FRMD4A: variants seen among roughly 807,000 people sequenced by gnomAD.
The protein encoded by FRMD4A is FERM domain-containing protein 4A.
In FRMD4A, 29 loss-of-function variants were observed where a neutral mutation model predicts 129.1. The observed-to-expected ratio is 0.22, with a 90% confidence interval of 0.17 to 0.31. The LOEUF (loss-of-function observed/expected upper bound fraction) is 0.31. Ranked by LOEUF, FRMD4A falls within the 10% of genes least tolerant of loss-of-function variation. The probability of loss-of-function intolerance (pLI) is 1.00; values close to 1 mark genes in which losing one functional copy is unlikely to be tolerated. For missense variants in FRMD4A, 1,272 were observed against 1,375.8 expected, an observed-to-expected ratio of 0.92 and a Z score of 1.19; for synonymous variants, 634 against 571.6, an observed-to-expected ratio of 1.11 and a Z score of -1.56.
chr10:13,971,988 C>T, intron 2 of FRMD4A: 2 of 1,183,576 alleles, frequency 1.7e-6, no homozygotes, highest in East Asian at 5.9e-5. Flanking sequence ...CACTAATCCT[C>T]AGAGACTGCT....
At chr10:13,923,031 A>G (rs966423143) in intron 2 of FRMD4A, among the ~76,000 whole-genome samples, 1 of 152,214 alleles carries the variant, frequency 6.6e-6, no homozygotes, top group South Asian at 2.1e-4. Flanking sequence ...GTCCATAATG[A>G]TAACCTAGGG....
At chr10:13,684,862 G>C (rs2084931834) in intron 15 of FRMD4A, 1 of 968,992 alleles carries the variant, frequency 1.0e-6, no homozygotes, top group Non-Finnish European at 1.2e-6. Flanking sequence ...CGTCTCTTTA[G>C]ACCTTAGAGA....
chr10:13,787,061 A>G (rs1394161571), intron 5 of FRMD4A, among the ~76,000 whole-genome samples: 8 of 152,138 alleles, frequency 5.3e-5, no homozygotes, highest in Admixed American at 5.2e-4. Flanking sequence ...GACTGCCTTC[A>G]TTTCCACCAA....
intron 2 of FRMD4A, among the ~76,000 whole-genome samples, chr10:14,042,383 C>T (rs12767057): frequency 0.087 from 13,242 of 152,178 alleles, 919 homozygotes; most frequent in East Asian, 0.36. Context: ...TGTGAGGTCC[C>T]GCTCCAGCCA....
intron 2 of FRMD4A, among the ~76,000 whole-genome samples, chr10:14,190,201 G>A (rs923450530): frequency 4.6e-5 from 7 of 152,180 alleles, no homozygotes; most frequent in South Asian, 2.1e-4. Flanking sequence ...CCTAGCAGAC[G>A]AGTTTGTTGC....
chr10:13,711,392 G>A (rs1167402863), intron 12 of FRMD4A, among the ~76,000 whole-genome samples: 2 of 152,260 alleles, frequency 1.3e-5, no homozygotes, highest in East Asian at 3.9e-4. Context: ...TGACTGAGCT[G>A]GTTTCGGGGC....
chr10:14,077,892 T>C (rs987307197), intron 2 of FRMD4A, among the ~76,000 whole-genome samples: 1 of 152,218 alleles, frequency 6.6e-6, no homozygotes, highest in Non-Finnish European at 1.5e-5. Context: ...CTAGGAGATA[T>C]GTGTGTTACA....
At chr10:13,966,182 G>T (rs111724380) in intron 2 of FRMD4A, among the ~76,000 whole-genome samples, 61 of 152,110 alleles carry the variant, frequency 4.0e-4, no homozygotes, top group African/African-American at 1.4e-3. Context: ...ATCGTACCTG[G>T]CTAATTTTTT....
intron 2 of FRMD4A, among the ~76,000 whole-genome samples, chr10:13,875,554 C>T (rs1310914338): frequency 1.3e-5 from 2 of 152,170 alleles, no homozygotes; most frequent in African/African-American, 2.4e-5. Flanking sequence ...GCTAGAAGCC[C>T]AGCATCGGAA....
chr10:14,217,975 C>T (rs1468658765), intron 2 of FRMD4A, among the ~76,000 whole-genome samples: 5 of 152,070 alleles, frequency 3.3e-5, no homozygotes, highest in Non-Finnish European at 7.4e-5. Context: ...GGATTACAGG[C>T]GTTCACCACC....
At chr10:13,659,860 T>TCC (rs1554827839) in intron 20 of FRMD4A, among the ~76,000 whole-genome samples, 1,917 of 62,214 alleles carry the variant, frequency 0.031, 35 homozygotes, top group African/African-American at 0.073. Context: ...GAAAATGCCT[T>TCC]CCCCCCCAAA....
intron 2 of FRMD4A, among the ~76,000 whole-genome samples, chr10:14,021,384 T>A (rs1165686355): frequency 1.4e-4 from 20 of 143,912 alleles, no homozygotes; most frequent in African/African-American, 4.9e-4. Context: ...TCCACAAAAA[T>A]AAAAAAAAAA....
Position 14,072,303 on chromosome 10 carries a change from TA to T in FRMD4A, c.46-213392del, listed in dbSNP as rs757033270. 9.8e-5 allele frequency among the ~76,000 whole-genome samples: 15 copies of T among 152,314 alleles called. No homozygotes were observed. In the East Asian group the frequency reaches 2.9e-3, roughly 29 times the overall value. On this transcript the variant is annotated intron_variant, in intron 2 of 24. Coordinates refer to ENST00000357447, the MANE Select transcript of FRMD4A (RefSeq NM_018027.5). ...GAGAAGTCAGAAGTTCTTACTTCTC[TA>T]GATAATATCCTCAAAAAGCCAAGTG...
chr10:14,167,274 G>A (rs183150752), intron 2 of FRMD4A, among the ~76,000 whole-genome samples: 12 of 152,210 alleles, frequency 7.9e-5, no homozygotes, highest in African/African-American at 2.9e-4. Context: ...GCTCACACTT[G>A]TAATCCCAGC....
At chr10:14,132,467 G>C (rs1839311487) in intron 2 of FRMD4A, among the ~76,000 whole-genome samples, 1 of 152,176 alleles carries the variant, frequency 6.6e-6, no homozygotes, top group Non-Finnish European at 1.5e-5. Context: ...CAGACAGCAA[G>C]CTGTATTCCC....
chr10:14,195,677 C>T (rs1226574111), intron 2 of FRMD4A, among the ~76,000 whole-genome samples: 1 of 152,158 alleles, frequency 6.6e-6, no homozygotes, highest in Non-Finnish European at 1.5e-5. Flanking sequence ...TACATGATTC[C>T]CAGCAGGAAG....
intron 9 of FRMD4A, among the ~76,000 whole-genome samples, chr10:13,747,249 C>T (rs11258569): frequency 0.014 from 2,059 of 151,460 alleles, 85 homozygotes; most frequent in South Asian, 0.12. Context: ...ATGTAGAAAA[C>T]GGGCCAGGCG....
At chr10:14,256,220 T>G (rs1279220253) in intron 2 of FRMD4A, among the ~76,000 whole-genome samples, 1 of 152,040 alleles carries the variant, frequency 6.6e-6, no homozygotes, top group Non-Finnish European at 1.5e-5. Context: ...AATGCATTGC[T>G]AAGAAGAAAT....
chr10:13,663,927 G>T, intron 18 of FRMD4A, among the ~76,000 whole-genome samples: 1 of 152,214 alleles, frequency 6.6e-6, no homozygotes, highest in East Asian at 1.9e-4. Context: ...TAGGCACTTT[G>T]CTTTGCTTCT....
Sources: allele counts gnomAD v4.1 joint callset (sites outside exome capture counted in the v4.1 genomes callset), GRCh38; gene constraint gnomAD v4.1.1; transcripts MANE v1.5; gene names NCBI Gene and HGNC (gene_info 2026-07-23, HGNC 2026-07-21).